Variants in ASIC2 observed in about 807,000 individuals in gnomAD.
The protein encoded by ASIC2 is acid-sensing ion channel 2.
In ASIC2, 25 loss-of-function variants were observed where a neutral mutation model predicts 57.3. The ratio of observed to expected loss-of-function variants is 0.44; its 90% confidence interval spans 0.32 to 0.61. The LOEUF is 0.61. Among genes scored for constraint, ASIC2 ranks in the 20% least tolerant of loss-of-function variants. ASIC2 has a pLI of 0.06. For synonymous variants in ASIC2, 319 were observed against 307.5 expected (o/e 1.04, Z -0.39); for missense variants, 641 against 738.1 (o/e 0.87, Z 1.52).
intron 1 of ASIC2, among the ~76,000 whole-genome samples, chr17:33,417,440 G>A (rs1322771135): frequency 2.0e-5 from 3 of 152,016 alleles, no homozygotes; most frequent in Non-Finnish European, 2.9e-5. Flanking sequence ...CTACCTACCC[G>A]GCCAAGACTA....
intron 1 of ASIC2, among the ~76,000 whole-genome samples, chr17:33,284,448 G>A (rs1905069844): frequency 6.6e-6 from 1 of 152,142 alleles, no homozygotes; most frequent in Non-Finnish European, 1.5e-5. Context: ...GAGGGCAGAG[G>A]AGGATGCAAA....
intron 1 of ASIC2, among the ~76,000 whole-genome samples, chr17:34,007,398 C>G (rs995362234): frequency 6.6e-6 from 1 of 152,190 alleles, no homozygotes; most frequent in Admixed American, 6.5e-5. Context: ...TTCACTCTTC[C>G]TGACTGCCAA....
At chr17:33,582,046 T>C (rs1360251965) in intron 1 of ASIC2, among the ~76,000 whole-genome samples, 3 of 152,184 alleles carry the variant, frequency 2.0e-5, no homozygotes, top group Non-Finnish European at 4.4e-5. Flanking sequence ...GTTCCCTGCC[T>C]CCAGACCCTT....
At chr17:33,089,108 C>T (rs2092147712) in intron 2 of ASIC2, 118 bp from the exon 3 acceptor site, 7 of 1,366,394 alleles carry the variant, frequency 5.1e-6, no homozygotes, top group Non-Finnish European at 6.8e-6. Flanking sequence ...GAATAATGGC[C>T]CCCAAAGGTG....
intron 1 of ASIC2, among the ~76,000 whole-genome samples, chr17:33,228,171 C>A (rs775104439): frequency 1.3e-5 from 2 of 152,156 alleles, no homozygotes; most frequent in African/African-American, 4.8e-5. Context: ...GGTGTAATTT[C>A]AAAACCCAGA....
At chr17:34,039,152 C>T (rs1377836669) in intron 1 of ASIC2, 12 of 1,613,870 alleles carry the variant, frequency 7.4e-6, no homozygotes, top group South Asian at 2.2e-5. Context: ...TCACAGATGG[C>T]TCTTAATAAA....
At chr17:33,109,718 A>G (rs1246740422) in intron 2 of ASIC2, among the ~76,000 whole-genome samples, 1 of 152,152 alleles carries the variant, frequency 6.6e-6, no homozygotes, top group East Asian at 1.9e-4. Context: ...TTTTCTCTGA[A>G]TTGGTATAGC....
chr17:34,064,579 GAGTAA>G (rs1197115983), intron 1 of ASIC2, among the ~76,000 whole-genome samples: 3 of 152,136 alleles, frequency 2.0e-5, no homozygotes, highest in Non-Finnish European at 4.4e-5. Flanking sequence ...ACAGTCTGGA[GAGTAA>G]ACAGGCAACC....
chr17:33,464,679 CTCTCTCTCTATA>C, intron 1 of ASIC2, among the ~76,000 whole-genome samples: 1 of 103,598 alleles, frequency 9.7e-6, no homozygotes, highest in African/African-American at 3.8e-5. Flanking sequence ...CCCTCTCTCT[CTCTCTCTCTATA>C]TATATATATA....
At chr17:33,726,758 A>T (rs1169552567) in intron 1 of ASIC2, among the ~76,000 whole-genome samples, 1 of 152,230 alleles carries the variant, frequency 6.6e-6, no homozygotes, top group Non-Finnish European at 1.5e-5. Context: ...TGCTTTGATT[A>T]AAAGATTAAA....
chr17:33,203,139 T>C (rs1429620476), intron 1 of ASIC2, among the ~76,000 whole-genome samples: 1 of 152,176 alleles, frequency 6.6e-6, no homozygotes, highest in Non-Finnish European at 1.5e-5. Flanking sequence ...GCCCCTTTCA[T>C]CCTTACCCAT....
intron 1 of ASIC2, among the ~76,000 whole-genome samples, chr17:33,538,691 T>C (rs1915314144): frequency 6.6e-6 from 1 of 152,192 alleles, no homozygotes; most frequent in Non-Finnish European, 1.5e-5. Flanking sequence ...TCTTTGTATA[T>C]CCACATTAAC....
At chr17:33,698,228 T>G (rs564753191) in intron 1 of ASIC2, among the ~76,000 whole-genome samples, 2 of 152,310 alleles carry the variant, frequency 1.3e-5, no homozygotes, top group South Asian at 4.1e-4. Context: ...GTGTAGCGGT[T>G]AAGTGTGGAT....
intron 1 of ASIC2, among the ~76,000 whole-genome samples, chr17:33,577,823 A>G (rs1271283611): frequency 6.6e-6 from 1 of 151,916 alleles, no homozygotes; most frequent in African/African-American, 2.4e-5. Context: ...CATCCGTGAA[A>G]CTCCTACCCT....
rs552792163 is a variant in ASIC2 at position 33,915,760 on chromosome 17, G to C, written c.555+240218C>G. 5.9e-5 allele frequency among the ~76,000 whole-genome samples: 9 copies of C among 152,330 alleles called. No individual in the cohort carries two copies. The South Asian group carries it at 1.9e-3, about 32-fold the overall frequency. ...AGCGAAGAAACTGGAAAACTGACTT[G>C]AGGGTAAAGGATGCAAAGGGGTTTC... is the stretch of plus-strand genomic sequence containing the variant. On this transcript the variant is annotated intron_variant, in intron 1 of 9. Coordinates refer to the ASIC2 transcript ENST00000359872.
At chr17:33,800,071 T>C (rs1311380656) in intron 1 of ASIC2, among the ~76,000 whole-genome samples, 2 of 152,158 alleles carry the variant, frequency 1.3e-5, no homozygotes, top group Non-Finnish European at 2.9e-5. Flanking sequence ...TTTATGACCT[T>C]AGCTGGTCCT....
chr17:33,072,694 G>T (rs749044565), intron 3 of ASIC2, among the ~76,000 whole-genome samples: 44 of 152,192 alleles, frequency 2.9e-4, no homozygotes, highest in Non-Finnish European at 5.6e-4. Context: ...ATAGTGATCT[G>T]CTCATGGCTA....
chr17:33,042,031 C>A, intron 3 of ASIC2, among the ~76,000 whole-genome samples: 1 of 152,206 alleles, frequency 6.6e-6, no homozygotes, highest in East Asian at 1.9e-4. Flanking sequence ...AAATCAGAGC[C>A]TGCTTTTTGA....
intron 1 of ASIC2, among the ~76,000 whole-genome samples, chr17:33,485,404 T>G (rs1304849475): frequency 1.3e-5 from 2 of 152,230 alleles, no homozygotes; most frequent in East Asian, 3.8e-4. Context: ...AGGCTGAGAC[T>G]TCAGAGCAGT....
Sources: allele counts gnomAD v4.1 joint callset (sites outside exome capture counted in the v4.1 genomes callset), GRCh38; gene constraint gnomAD v4.1.1; transcripts MANE v1.5; gene names NCBI Gene and HGNC (gene_info 2026-07-23, HGNC 2026-07-21).